OR3A2: variants seen among roughly 807,000 people sequenced by gnomAD.
OR3A2 encodes olfactory receptor 3A2.
For synonymous variants in OR3A2, 126 were observed against 159.3 expected, an observed-to-expected ratio of 0.79 and a Z score of 1.57; for missense variants, 318 against 392.8, an observed-to-expected ratio of 0.81 and a Z score of 1.61.
chr17:3,330,349 G>A (rs1051357954), intron 3 of OR3A2, among the ~76,000 whole-genome samples: 2 of 150,060 alleles, frequency 1.3e-5, no homozygotes, highest in Non-Finnish European at 2.9e-5. Flanking sequence ...GGGAGTCTAA[G>A]TCTCTTTGTA....
chr17:3,341,959 G>A (rs574738169), intron 2 of OR3A2, among the ~76,000 whole-genome samples: 10 of 152,116 alleles, frequency 6.6e-5, no homozygotes, highest in Middle Eastern at 3.4e-3. Flanking sequence ...GGCTTTGTTC[G>A]TTTCTTTTTA....
chr17:3,355,609 C>T (rs1332264216), intron 2 of OR3A2, among the ~76,000 whole-genome samples: 1 of 151,356 alleles, frequency 6.6e-6, no homozygotes, highest in Non-Finnish European at 1.5e-5. Context: ...GTCTGGACAT[C>T]TATTTTGTCT....
At chr17:3,327,775 G>T (rs1188598241) in intron 3 of OR3A2, among the ~76,000 whole-genome samples, 1 of 135,958 alleles carries the variant, frequency 7.4e-6, no homozygotes. Flanking sequence ...TTCTACATAT[G>T]GCTAGCCAGT....
chr17:3,302,548 A>G (rs1032472476), intron 3 of OR3A2, among the ~76,000 whole-genome samples: 1 of 152,238 alleles, frequency 6.6e-6, no homozygotes, highest in Non-Finnish European at 1.5e-5. Context: ...AAACTGGAGC[A>G]ACAAAAATTT....
intron 3 of OR3A2, among the ~76,000 whole-genome samples, chr17:3,331,349 C>T (rs1042592536): frequency 1.3e-5 from 2 of 152,160 alleles, no homozygotes; most frequent in African/African-American, 4.8e-5. Flanking sequence ...CTTTCAGGTA[C>T]ACCAATCCGA....
At chr17:3,346,405 G>A (rs2049364128) in intron 2 of OR3A2, among the ~76,000 whole-genome samples, 1 of 152,066 alleles carries the variant, frequency 6.6e-6, no homozygotes, top group Non-Finnish European at 1.5e-5. Context: ...CTCATGCTGA[G>A]CCAACTGGAG....
chr17:3,327,003 G>T lies in OR3A2; in HGVS notation c.-85+9030C>A, dbSNP rs1322009441. On this transcript the variant is annotated intron_variant, in intron 3 of 4. Transcript: ENST00000573491. ...AGTCTTTGCTATTGTGAATAATGCCGCAATAAACATACGTGTGCATGTGTC... is the reference window on the plus strand; with the variant it reads ...AGTCTTTGCTATTGTGAATAATGCCTCAATAAACATACGTGTGCATGTGTC... 2.4e-5 allele frequency among the ~76,000 whole-genome samples: 2 copies of T among 82,334 alleles called. 1 individual carries two copies. Among genetic ancestry groups the T allele is most frequent in the Non-Finnish European group, 4.2e-5 (2 of 47,366 alleles). 54.0% of individuals were successfully genotyped at this position (82,334 alleles called of 152,430 possible). A position where few individuals can be genotyped will look rare whatever the true frequency, so the allele number is the denominator to read the frequency against.
At chr17:3,329,531 T>C (rs922674107) in intron 3 of OR3A2, among the ~76,000 whole-genome samples, 1 of 128,276 alleles carries the variant, frequency 7.8e-6, no homozygotes, top group African/African-American at 3.0e-5. Flanking sequence ...GATGGTAGTT[T>C]GTATTTCTGT....
At chr17:3,332,510 CT>C (rs1195472907) in intron 3 of OR3A2, among the ~76,000 whole-genome samples, 5 of 152,356 alleles carry the variant, frequency 3.3e-5, no homozygotes, top group African/African-American at 1.2e-4. Flanking sequence ...AGGGAACTCC[CT>C]GACCCCTTGC....
chr17:3,309,203 G>T (rs2049021091), intron 3 of OR3A2, among the ~76,000 whole-genome samples: 1 of 152,168 alleles, frequency 6.6e-6, no homozygotes, highest in Admixed American at 6.5e-5. Flanking sequence ...ACCACGCCCG[G>T]CCGAGTATTT....
upstream of OR3A2, among the ~76,000 whole-genome samples, chr17:3,288,523 T>C (rs2048836393): frequency 6.6e-6 from 1 of 152,206 alleles, no homozygotes; most frequent in Admixed American, 6.5e-5. Flanking sequence ...TCTCAGAATG[T>C]ATCCCCGTTG....
At position 3,324,633 on chromosome 17, in the gene OR3A2, C is replaced by G. The variant is rs1039716549; in HGVS notation, c.-85+11400G>C. Among the ~76,000 whole-genome samples, 36 of 152,212 alleles carry G rather than the reference C, an allele frequency of 2.4e-4. 1 individual carries two copies. Among genetic ancestry groups the G allele is most frequent in the Middle Eastern group, 3.4e-3 (1 of 294 alleles). ...GTTTGCTAGAGGTCCACTCCAGACC[C>G]TGTTTGCCTGGGTATCAGCAGTGGT... On this transcript the variant is annotated intron_variant, in intron 3 of 4. Transcript: ENST00000573491.
chr17:3,298,652 C>G (rs2048939732), intron 3 of OR3A2, among the ~76,000 whole-genome samples: 1 of 152,136 alleles, frequency 6.6e-6, no homozygotes, highest in East Asian at 1.9e-4. Flanking sequence ...GAGATTTGAC[C>G]ACTTGGTAAC....
intron 2 of OR3A2, among the ~76,000 whole-genome samples, chr17:3,364,474 A>T (rs891478853): frequency 3.3e-5 from 5 of 152,090 alleles, no homozygotes; most frequent in Non-Finnish European, 7.4e-5. Flanking sequence ...GTACCTTTTG[A>T]CCAATGCCCC....
chr17:3,290,771 T>C lies in OR3A2; in HGVS notation c.-84-11618A>G, dbSNP rs111408878. 6.4e-3 allele frequency among the ~76,000 whole-genome samples: 978 copies of C among 152,332 alleles called. 9 individuals are homozygous for C. Among genetic ancestry groups the C allele is most frequent in the African/African-American group, 0.021 (891 of 41,550 alleles). ...CAGGGTGACTCCTCACCATATGACT[T>C]GCATTTATAGTTATGGATTATCTCA... On this transcript the variant is annotated intron_variant, in intron 3 of 4. Coordinates refer to the OR3A2 transcript ENST00000573491.
intron 2 of OR3A2, among the ~76,000 whole-genome samples, chr17:3,368,643 T>C (rs576968974): frequency 5.9e-5 from 9 of 152,350 alleles, no homozygotes; most frequent in African/African-American, 1.9e-4. Flanking sequence ...TATAGCCTTG[T>C]AGTATAGTTA....
At chr17:3,347,847 T>A (rs1337252354) in intron 2 of OR3A2, among the ~76,000 whole-genome samples, 4 of 152,210 alleles carry the variant, frequency 2.6e-5, no homozygotes, top group African/African-American at 7.2e-5. Flanking sequence ...TTGAACTAGA[T>A]TACAGTCCCA....
intron 3 of OR3A2, among the ~76,000 whole-genome samples, chr17:3,332,056 G>A (rs2049239817): frequency 6.6e-6 from 1 of 152,014 alleles, no homozygotes; most frequent in Non-Finnish European, 1.5e-5. Context: ...CCCACTTGAG[G>A]AGGCAGTCTG....
At chr17:3,371,703 C>G (rs1245810965) in intron 2 of OR3A2, among the ~76,000 whole-genome samples, 1 of 143,718 alleles carries the variant, frequency 7.0e-6, no homozygotes, top group African/African-American at 2.6e-5. Context: ...GGTGCTGACC[C>G]CCCCACCTCC....
Sources: gnomAD v4.1 joint callset for allele counts (sites outside exome capture counted in the v4.1 genomes callset) on GRCh38, gnomAD v4.1.1 for gene constraint, MANE v1.5 for transcripts, NCBI Gene and HGNC (gene_info 2026-07-23, HGNC 2026-07-21) for gene names.